MDGA1: variants seen among roughly 807,000 people sequenced by gnomAD.
The protein encoded by MDGA1 is MAM domain containing glycosylphosphatidylinositol anchor 1.
In MDGA1, 54 loss-of-function variants were observed where a neutral mutation model predicts 101.5. That is an observed-to-expected ratio of 0.53 (90% CI 0.43 to 0.67). The LOEUF is 0.67. MDGA1 is among the 30% of genes least tolerant of loss of function. The pLI is 0.00. For synonymous variants in MDGA1, 533 were observed against 558.3 expected (o/e 0.95, Z 0.64); for missense variants, 1,083 against 1,323.8 (o/e 0.82, Z 2.82).
rs752267959 is a variant in MDGA1, at chr6:37,643,899, C to A, written c.2446G>T (p.Asp816Tyr). Residue 816 changes from aspartate (D) to tyrosine (Y), a missense_variant, in exon 14 of 17, where the codon GAC becomes TAC. Coordinates refer to ENST00000434837, the MANE Select transcript of MDGA1 (RefSeq NM_153487.4). ...AGGGGACTCACTAACCTTGCACGGT[C>A]CCCCAGCTCCCGAGGCCTCGATGTC... ...IETSRPRELG[D>Y]RARLVSPLYN... is the part of the protein sequence containing the mutation. The A allele has an allele frequency of 1.2e-6, 2 of 1,613,948 alleles. No individual in the cohort carries two copies. Among genetic ancestry groups the A allele is most frequent in the Non-Finnish European group, 1.7e-6 (2 of 1,179,878 alleles).
intron 9 of MDGA1, chr6:37,648,664 C>A (rs929084267): frequency 1.4e-5 from 6 of 427,696 alleles, no homozygotes; most frequent in Non-Finnish European, 2.5e-5. Context: ...CTGTAATGGG[C>A]GGGGCTTAGG....
intron 1 of MDGA1, among the ~76,000 whole-genome samples, chr6:37,689,525 C>T (rs528992540): frequency 2.6e-5 from 4 of 152,360 alleles, no homozygotes; most frequent in Non-Finnish European, 4.4e-5. Flanking sequence ...CACAAGCCCA[C>T]GCAGTGAGTA....
In MDGA1 at chr6:37,637,425, C is replaced by T. The variant is rs1329133185; in HGVS notation, c.2811G>A (p.Gln937=). ...VVMPGSGAPC[Q]SSPQLWGPMA... is the part of the protein sequence containing the mutation. Reference sequence around the variant, plus strand: ...TGGGCCCCCACAGCTGTGGGCTGGACTGGCAGGGGGCTCCACTGCCCGGCA... The same window carrying T: ...TGGGCCCCCACAGCTGTGGGCTGGATTGGCAGGGGGCTCCACTGCCCGGCA... Residue 937 remains glutamine (Q), a synonymous_variant, in exon 17 of 17, where the codon CAG becomes CAA. Coordinates refer to ENST00000434837, the MANE Select transcript of MDGA1 (RefSeq NM_153487.4). 1.2e-6 allele frequency: 2 copies of T among 1,613,674 alleles called. No individual in the cohort carries two copies. The highest frequency in any genetic ancestry group is 1.7e-6 in the Non-Finnish European group (2 of 1,179,758).
intron 1 of MDGA1, among the ~76,000 whole-genome samples, chr6:37,695,986 C>A (rs1162137052): frequency 1.3e-5 from 2 of 152,150 alleles, no homozygotes; most frequent in South Asian, 2.1e-4. Flanking sequence ...GTAACCACAG[C>A]GAGGCGTGCG....
Position 37,663,636 on chromosome 6 carries a change from G to A in MDGA1, c.207+331C>T, listed in dbSNP as rs528164944. ...AACACTGGAGAAAGTGTCTGGCACCGTGCCTGGCACATGGTCTGCCCACAG... is the reference window on the plus strand; with the variant it reads ...AACACTGGAGAAAGTGTCTGGCACCATGCCTGGCACATGGTCTGCCCACAG... On this transcript the variant is annotated intron_variant, in intron 2 of 16. Transcript: ENST00000434837. Among the ~76,000 whole-genome samples, 7 of 152,352 alleles carry A rather than the reference G, an allele frequency of 4.6e-5. No homozygotes were observed. In the East Asian group the frequency reaches 5.8e-4, roughly 13 times the overall value.
intron 1 of MDGA1, among the ~76,000 whole-genome samples, chr6:37,684,042 T>G (rs878969550): frequency 6.6e-6 from 1 of 152,222 alleles, no homozygotes; most frequent in Non-Finnish European, 1.5e-5. Context: ...ACCACTCCCC[T>G]GGAAACTTCC....
chr6:37,674,580 C>G (rs772776299), intron 1 of MDGA1, among the ~76,000 whole-genome samples: 3 of 152,218 alleles, frequency 2.0e-5, no homozygotes, highest in Non-Finnish European at 2.9e-5. Flanking sequence ...TTGAAAGTGG[C>G]AGGTGATGCT....
rs141056060 is a variant in MDGA1, at chr6:37,696,111, C to G, written c.67+634G>C. Among the ~76,000 whole-genome samples, 991 of 151,932 alleles carry G rather than the reference C, an allele frequency of 6.5e-3. 7 individuals are homozygous for G. Among genetic ancestry groups the G allele is most frequent in the African/African-American group, 0.021 (886 of 41,420 alleles). ...GGCTGAATGTATCTGTGTGTGCGCG[C>G]AGGAAGGAAGGTGGGGTTGGGGTTT... is the stretch of plus-strand genomic sequence containing the variant. On this transcript the variant is annotated intron_variant, in intron 1 of 16. Transcript: ENST00000434837. This position sits in a 1 kb window ranked among gnomAD's most constrained non-coding sequence, Gnocchi z 5.6.
chr6:37,695,079 G>A (rs186625562), intron 1 of MDGA1, among the ~76,000 whole-genome samples: 4 of 152,194 alleles, frequency 2.6e-5, no homozygotes, highest in Non-Finnish European at 4.4e-5. Context: ...AGAAGCTGGA[G>A]GGGATGGAGG....
intron 1 of MDGA1, among the ~76,000 whole-genome samples, chr6:37,675,832 T>G (rs987718914): frequency 6.6e-6 from 1 of 152,188 alleles, no homozygotes; most frequent in Non-Finnish European, 1.5e-5. Context: ...ACCCCATCAC[T>G]GTGGTTCACT....
rs1762429270 is a variant in MDGA1 at position 37,696,779 on chromosome 6, C to A, written c.33G>T (p.Leu11=). 6.3e-7 allele frequency: 1 copy of A among 1,584,046 alleles called. No individual in the cohort carries two copies. Among genetic ancestry groups the A allele is most frequent in the Non-Finnish European group, 8.6e-7 (1 of 1,164,560 alleles). The change falls in exon 1 of 17, where the codon CTG becomes CTT. Residue 11 remains leucine (L), a synonymous_variant. Transcript: ENST00000434837. This position sits in a 1 kb window ranked among gnomAD's most constrained non-coding sequence, Gnocchi z 5.6. MEVTCLLLLA[L]IPFHCRGQGV... Reference sequence around the variant, plus strand: ...CTTGTCCCCGGCAGTGGAAGGGGATCAGCGCCAGAAGTAGAAGGCAGGTCA... The same window carrying A: ...CTTGTCCCCGGCAGTGGAAGGGGATAAGCGCCAGAAGTAGAAGGCAGGTCA...
intron 1 of MDGA1, among the ~76,000 whole-genome samples, chr6:37,676,662 G>C (rs1375705886): frequency 6.6e-6 from 1 of 151,800 alleles, no homozygotes; most frequent in South Asian, 2.1e-4. Context: ...ACTTTGGGAG[G>C]CAAGGCTGGT....
In MDGA1 at chr6:37,654,254, C is replaced by T. The variant is rs1246970183; in HGVS notation, c.982+20G>A. On this transcript the variant is annotated intron_variant, in intron 6 of 16. Coordinates refer to ENST00000434837, the MANE Select transcript of MDGA1 (RefSeq NM_153487.4). ...TGTCTGCCTCACAACTTCCCTCCCACCCCTTCTGAGGCCACGTACATCGCA... is the reference window on the plus strand; with the variant it reads ...TGTCTGCCTCACAACTTCCCTCCCATCCCTTCTGAGGCCACGTACATCGCA... 2 of 1,520,526 alleles carry T rather than the reference C, an allele frequency of 1.3e-6. No individual in the cohort carries two copies. The highest frequency in any genetic ancestry group is 8.8e-7 in the Non-Finnish European group (1 of 1,134,458). 94.2% of individuals were successfully genotyped at this position (1,520,526 alleles called of 1,614,324 possible).
intron 2 of MDGA1, among the ~76,000 whole-genome samples, chr6:37,660,824 G>A (rs1269014283): frequency 6.6e-6 from 1 of 152,158 alleles, no homozygotes; most frequent in East Asian, 1.9e-4. Context: ...TTTGTACTCA[G>A]TGGGATTATC....
At chr6:37,649,491 A>T (rs1048711295) in intron 8 of MDGA1, among the ~76,000 whole-genome samples, 3 of 152,158 alleles carry the variant, frequency 2.0e-5, no homozygotes, top group African/African-American at 7.2e-5. Flanking sequence ...CATGCTTCCC[A>T]GACCCGGCCT....
Position 37,652,418 on chromosome 6 carries a change from C to T in MDGA1, c.983-78G>A. 2.6e-6 allele frequency: 3 copies of T among 1,147,734 alleles called. No homozygotes were observed. Among genetic ancestry groups the T allele is most frequent in the Non-Finnish European group, 1.2e-6 (1 of 815,894 alleles). The allele number at this position is 1,147,734 out of a possible 1,614,324, so 71.1% of individuals were successfully genotyped here. A position where few individuals can be genotyped will look rare whatever the true frequency, so the allele number is the denominator to read the frequency against. Reference sequence around the variant, plus strand: ...TCCATGTCCCACCCCAACCCAGACCCAGCTTCTCCCCTCTAGCTGGCCCTT... The same window carrying T: ...TCCATGTCCCACCCCAACCCAGACCTAGCTTCTCCCCTCTAGCTGGCCCTT... On this transcript the variant is annotated intron_variant, in intron 6 of 16. Coordinates refer to ENST00000434837, the MANE Select transcript of MDGA1 (RefSeq NM_153487.4). This position sits in a 1 kb window ranked among gnomAD's most constrained non-coding sequence, Gnocchi z 4.3.
At chr6:37,692,930 G>A (rs746971232) in intron 1 of MDGA1, among the ~76,000 whole-genome samples, 4 of 152,180 alleles carry the variant, frequency 2.6e-5, no homozygotes, top group Non-Finnish European at 4.4e-5. Context: ...TGTCGGATGG[G>A]ACATCATGAG....
chr6:37,666,491 C>T (rs367585158), intron 1 of MDGA1, among the ~76,000 whole-genome samples: 1 of 152,158 alleles, frequency 6.6e-6, no homozygotes, highest in East Asian at 1.9e-4. Flanking sequence ...GTACAACTTC[C>T]TCCAGGAAAC....
intron 1 of MDGA1, among the ~76,000 whole-genome samples, chr6:37,665,602 CT>C (rs1248077166): frequency 6.6e-6 from 1 of 152,236 alleles, no homozygotes; most frequent in Non-Finnish European, 1.5e-5. Flanking sequence ...CAGACACCGA[CT>C]AACTGGCCTC....
Sources: gnomAD v4.1 joint callset for allele counts (sites outside exome capture counted in the v4.1 genomes callset) on GRCh38, gnomAD v4.1.1 for gene constraint, Gnocchi (gnomAD v3.1) non-coding constraint, MANE v1.5 for transcripts, NCBI Gene and HGNC (gene_info 2026-07-23, HGNC 2026-07-21) for gene names.